USP10: variants seen among roughly 807,000 people sequenced by gnomAD.
USP10 encodes ubiquitin specific peptidase 10.
A neutral mutation model predicts 84.5 loss-of-function variants in USP10; 22 were observed. The ratio of observed to expected loss-of-function variants is 0.26; its 90% confidence interval spans 0.19 to 0.37. The LOEUF (loss-of-function observed/expected upper bound fraction) is 0.37, where lower values mean the gene tolerates loss of function less well. Ranked by LOEUF, USP10 falls within the 10% of genes least tolerant of loss-of-function variation. USP10 has a pLI of 1.00. For missense variants in USP10, 1,019 were observed against 998.9 expected (o/e 1.02, Z -0.27); for synonymous variants, 454 against 387.6 (o/e 1.17, Z -2.01).
rs769371910 is a variant in USP10, at chr16:84,740,079, G to A, written c.91-230G>A. On this transcript the variant is annotated intron_variant, in intron 2 of 13. Transcript: ENST00000219473. ...TTTTATTCCTTTTGGCTTCATTTTC[G>A]GATCTGTTTAATAGTGATAAATATT... Among the ~76,000 whole-genome samples, 9 of 152,052 alleles carry A rather than the reference G, an allele frequency of 5.9e-5. No individual in the cohort carries two copies. The East Asian group carries it at 1.2e-3, about 20-fold the overall frequency.
intron 4 of USP10, among the ~76,000 whole-genome samples, chr16:84,750,159 G>A (rs1380795164): frequency 6.6e-6 from 1 of 152,152 alleles, no homozygotes; most frequent in Non-Finnish European, 1.5e-5. Context: ...TGTAATCCCA[G>A]CACTTTCGGA....
chr16:84,742,012 A>C (rs1910683839), intron 3 of USP10, among the ~76,000 whole-genome samples: 1 of 152,246 alleles, frequency 6.6e-6, no homozygotes, highest in African/African-American at 2.4e-5. Context: ...AGCCCTTTGC[A>C]GAGGCACCTC....
chr16:84,709,009 A>G (rs1905915706), intron 1 of USP10: 3 of 152,234 alleles, frequency 2.0e-5, no homozygotes, highest in Admixed American at 1.3e-4. Flanking sequence ...CTGTAACACA[A>G]GTGTGAACAA....
chr16:84,754,312 CAG>C (rs1912269600), intron 4 of USP10, among the ~76,000 whole-genome samples: 1 of 152,066 alleles, frequency 6.6e-6, no homozygotes, highest in African/African-American at 2.4e-5. Context: ...TCTACAGTAA[CAG>C]AATAATCATT....
At chr16:84,710,956 C>T (rs1231181900) in intron 1 of USP10, among the ~76,000 whole-genome samples, 1 of 152,344 alleles carries the variant, frequency 6.6e-6, no homozygotes. Flanking sequence ...CAAAGTGTTA[C>T]ATCTCCAGTC....
In USP10 at chr16:84,759,918, T is replaced by C. The variant is rs1166704630; in HGVS notation, c.1422T>C (p.Asn474=). 2 of 1,613,892 alleles carry C rather than the reference T, an allele frequency of 1.2e-6. No homozygotes were observed. Among genetic ancestry groups the C allele is most frequent in the South Asian group, 1.1e-5 (1 of 91,086 alleles). ...SFVRLMNEFT[N]MPVPPKPRQA... ...TTCGGCTAATGAATGAGTTCACTAA[T>C]ATGCCAGTACCTCCAAAACCCCGAC... The change falls in exon 7 of 14, where the codon AAT becomes AAC. Residue 474 remains asparagine (N), a synonymous_variant. Coordinates refer to ENST00000219473, the MANE Select transcript of USP10 (RefSeq NM_005153.3).
intron 1 of USP10, among the ~76,000 whole-genome samples, chr16:84,710,874 G>T (rs1906194371): frequency 6.6e-6 from 1 of 152,166 alleles, no homozygotes; most frequent in East Asian, 1.9e-4. Context: ...GCATGGGTTT[G>T]TGTACAGCTT....
At position 84,701,643 on chromosome 16, in the gene USP10, T is replaced by G. The variant is rs553783458; in HGVS notation, c.21+1532T>G. Reference sequence around the variant, plus strand: ...TTTAGGCATAGCTCACTTCCTTTATTTAATAAGCATCAATCACAATTCAAG... The same window carrying G: ...TTTAGGCATAGCTCACTTCCTTTATGTAATAAGCATCAATCACAATTCAAG... On this transcript the variant is annotated intron_variant, in intron 1 of 13. Coordinates refer to ENST00000219473, the MANE Select transcript of USP10 (RefSeq NM_005153.3). Among the ~76,000 whole-genome samples the G allele has an allele frequency of 2.0e-5, 3 of 152,356 alleles. No homozygotes were observed. In the South Asian group the frequency reaches 6.2e-4, roughly 32 times the overall value.
intron 1 of USP10, among the ~76,000 whole-genome samples, chr16:84,702,560 G>A (rs1905023556): frequency 1.3e-5 from 2 of 152,258 alleles, no homozygotes; most frequent in African/African-American, 4.8e-5. Context: ...TTGTTTATCA[G>A]ATATTAAGCG....
chr16:84,740,410 C>T (rs1235389847), intron 3 of USP10, 41 bp downstream of exon 3: 2 of 1,562,200 alleles, frequency 1.3e-6, no homozygotes, highest in Admixed American at 1.7e-5. Context: ...GGGAATTTGG[C>T]CATACGTGCT....
chr16:84,745,999 A>T lies in USP10; in HGVS notation c.1192+326A>T, dbSNP rs1010288285. Among the ~76,000 whole-genome samples the T allele has an allele frequency of 5.9e-5, 9 of 152,252 alleles. No homozygotes were observed. The East Asian group carries it at 1.7e-3, about 29-fold the overall frequency. ...GAATGTATAATGGACTTTTTCTGTG[A>T]TATACCTTTGGTATGATAATCCTGA... On this transcript the variant is annotated intron_variant, in intron 4 of 13. Coordinates refer to ENST00000219473, the MANE Select transcript of USP10 (RefSeq NM_005153.3).
At chr16:84,707,115 G>C (rs1905632651) in intron 1 of USP10, among the ~76,000 whole-genome samples, 1 of 152,138 alleles carries the variant, frequency 6.6e-6, no homozygotes, top group African/African-American at 2.4e-5. Context: ...CTGGCCATCA[G>C]GACCTTTTAA....
At chr16:84,768,463 A>C (rs1914094357) in intron 11 of USP10, 105 bp downstream of exon 11, 1 of 1,149,294 alleles carries the variant, frequency 8.7e-7, no homozygotes, top group African/African-American at 1.5e-5. Context: ...TATGCCTCTT[A>C]AATCAGTTGC....
At position 84,760,250 on chromosome 16, in the gene USP10, T is replaced by C. The variant is rs746885194; in HGVS notation, c.1529T>C (p.Val510Ala). The change falls in exon 8 of 14, where the codon GTT (valine) becomes GCT (alanine). Residue 510 changes from valine (V) to alanine (A), a missense_variant. By Grantham distance (64) the Val-to-Ala change is moderately conservative. Transcript: ENST00000219473. ...EPTYIYRLLTVNKSSLSEKGR... is the reference protein window; with the variant it reads ...EPTYIYRLLTANKSSLSEKGR... ...ACATATATTTACAGACTCCTGACAG[T>C]TAACAAGTCAAGCCTGTCTGAAAAG... is the stretch of plus-strand genomic sequence containing the variant. 5.0e-6 allele frequency: 8 copies of C among 1,609,278 alleles called. No individual in the cohort carries two copies. Among genetic ancestry groups the C allele is most frequent in the African/African-American group, 4.0e-5 (3 of 74,890 alleles).
intron 11 of USP10, among the ~76,000 whole-genome samples, chr16:84,770,774 A>G (rs1320498226): frequency 9.2e-5 from 12 of 130,260 alleles, no homozygotes; most frequent in Middle Eastern, 3.5e-3. Flanking sequence ...TCCGTCCCCA[A>G]AAAAAAAAAA....
At chr16:84,733,552 A>T (rs773785602) in intron 2 of USP10, 49 bp downstream of exon 2, 2 of 1,257,594 alleles carry the variant, frequency 1.6e-6, no homozygotes, top group South Asian at 2.8e-5. Flanking sequence ...TACAATTAAT[A>T]GTTATGTTTC....
chr16:84,748,624 T>C (rs1419944936), intron 4 of USP10, among the ~76,000 whole-genome samples: 1 of 152,186 alleles, frequency 6.6e-6, no homozygotes, highest in Non-Finnish European at 1.5e-5. Context: ...TAGTTTCGTT[T>C]CTAAAATTGC....
chr16:84,751,287 T>A (rs184796051), intron 4 of USP10, among the ~76,000 whole-genome samples: 3 of 152,372 alleles, frequency 2.0e-5, no homozygotes, highest in Admixed American at 1.3e-4. Flanking sequence ...GCCACATTTC[T>A]CAGAACATAT....
At chr16:84,725,689 C>T (rs918202188) in intron 1 of USP10, among the ~76,000 whole-genome samples, 1 of 152,184 alleles carries the variant, frequency 6.6e-6, no homozygotes, top group Non-Finnish European at 1.5e-5. Context: ...CAGGTGTGAG[C>T]CACCGTGCCC....
Sources: gnomAD v4.1 joint callset for allele counts (sites outside exome capture counted in the v4.1 genomes callset) on GRCh38, gnomAD v4.1.1 for gene constraint, MANE v1.5 for transcripts, NCBI Gene and HGNC (gene_info 2026-07-23, HGNC 2026-07-21) for gene names.